FRK: variants seen among roughly 807,000 people sequenced by gnomAD.
FRK encodes the protein fyn related Src family tyrosine kinase, also known as tyrosine-protein kinase FRK.
FRK carries 51 observed loss-of-function variants against 56.4 expected under a neutral mutation model. The ratio of observed to expected loss-of-function variants is 0.90; its 90% CI spans 0.72 to 1.14. FRK has a LOEUF of 1.14. Ranked by LOEUF, FRK falls within the 50% of genes most tolerant of loss-of-function variation. The pLI is 0.00. For missense variants in FRK, 570 were observed against 601.4 expected (o/e 0.95, Z 0.55); for synonymous variants, 245 against 217.9 (o/e 1.12, Z -1.10).
chr6:115,963,078 A>C (rs1773445960), intron 4 of FRK, among the ~76,000 whole-genome samples: 1 of 58,046 alleles, frequency 1.7e-5, no homozygotes, highest in African/African-American at 5.4e-5. Flanking sequence ...GAGACACAAA[A>C]AAACCTTCAA....
intron 2 of FRK, among the ~76,000 whole-genome samples, chr6:115,971,253 G>C (rs1260017446): frequency 6.6e-6 from 1 of 151,864 alleles, no homozygotes; most frequent in Non-Finnish European, 1.5e-5. Context: ...TTTCACCCTG[G>C]GTATAAAAAT....
At chr6:116,054,458 TATATA>T (rs1263397533) in intron 1 of FRK, among the ~76,000 whole-genome samples, 5 of 144,436 alleles carry the variant, frequency 3.5e-5, no homozygotes, top group African/African-American at 7.6e-5. Flanking sequence ...TACTATATTA[TATATA>T]ATATAATATA....
chr6:116,052,730 C>T (rs1171716945), intron 1 of FRK, among the ~76,000 whole-genome samples: 1 of 151,998 alleles, frequency 6.6e-6, no homozygotes, highest in Non-Finnish European at 1.5e-5. Context: ...GAGAGAATAG[C>T]CCATCTGAAG....
chr6:116,012,870 C>A (rs1450486277), intron 1 of FRK, among the ~76,000 whole-genome samples: 1 of 152,174 alleles, frequency 6.6e-6, no homozygotes, highest in Non-Finnish European at 1.5e-5. Context: ...TGACCTCTCT[C>A]TTTTCCCCCA....
At chr6:116,008,816 C>T (rs1221692243) in intron 1 of FRK, among the ~76,000 whole-genome samples, 2 of 152,022 alleles carry the variant, frequency 1.3e-5, no homozygotes, top group East Asian at 3.9e-4. Flanking sequence ...ATCAAGATAT[C>T]CTAGGAGTAT....
At chr6:116,019,200 A>G (rs1466795052) in intron 1 of FRK, among the ~76,000 whole-genome samples, 1 of 152,188 alleles carries the variant, frequency 6.6e-6, no homozygotes, top group East Asian at 1.9e-4. Context: ...TGTAAGCTCA[A>G]GAGAGTGGAA....
In FRK at chr6:115,952,935, G is replaced by A. The variant is rs901289614; in HGVS notation, c.958+3517C>T. Among the ~76,000 whole-genome samples, 3 of 106,350 alleles carry A rather than the reference G, an allele frequency of 2.8e-5. No individual in the cohort carries two copies. The Admixed American group carries it at 3.4e-4, about 12-fold the overall frequency. 69.8% of individuals were successfully genotyped at this position (106,350 alleles called of 152,430 possible). Reference sequence around the variant, plus strand: ...TGGGGACTGTGGTGGGGTGGGGGGAGGGGGGAGGGATAGCATTGGGAGATA... The same window carrying A: ...TGGGGACTGTGGTGGGGTGGGGGGAAGGGGGAGGGATAGCATTGGGAGATA... On this transcript the variant is annotated intron_variant, in intron 5 of 7. Transcript: ENST00000606080.
chr6:115,998,576 C>T (rs934974296), intron 2 of FRK, among the ~76,000 whole-genome samples: 4 of 152,190 alleles, frequency 2.6e-5, no homozygotes, highest in Admixed American at 6.5e-5. Context: ...CACACTGCCA[C>T]CTTAAAACAC....
At chr6:116,039,202 G>T (rs1344595346) in intron 1 of FRK, 1 of 1,413,988 alleles carries the variant, frequency 7.1e-7, no homozygotes, top group Non-Finnish European at 1.0e-6. Context: ...AGAGGTCATC[G>T]CAGATAACGT....
chr6:116,009,415 T>C (rs978382418), intron 1 of FRK, among the ~76,000 whole-genome samples: 6 of 152,214 alleles, frequency 3.9e-5, no homozygotes, highest in African/African-American at 1.4e-4. Context: ...CTAATGTACA[T>C]TAAATTTGAG....
Position 115,941,933 on chromosome 6 carries a change from G to A in FRK, c.*481C>T, listed in dbSNP as rs1338508. On this transcript the variant is annotated 3_prime_UTR_variant, in exon 8 of 8. Coordinates refer to ENST00000606080, the MANE Select transcript of FRK (RefSeq NM_002031.3). ...TGTAGTTACAGGATATTTTAAAAGA[G>A]AAAAAAAAATCTCAAAGCACAGGTC... The A allele has an allele frequency of 0.04, 6,161 of 152,706 alleles. 332 individuals carry two copies. The highest frequency in any genetic ancestry group is 0.15 in the Admixed American group (2,268 of 15,272). The allele number at this position is 152,706 out of a possible 1,614,324, so 9.5% of individuals were successfully genotyped here.
At chr6:116,017,100 C>T (rs1263693636) in intron 1 of FRK, among the ~76,000 whole-genome samples, 1 of 152,138 alleles carries the variant, frequency 6.6e-6, no homozygotes, top group Non-Finnish European at 1.5e-5. Flanking sequence ...TGCACAAATA[C>T]ATTACAAGCT....
At chr6:115,997,586 C>G (rs191204696) in intron 2 of FRK, among the ~76,000 whole-genome samples, 1 of 152,140 alleles carries the variant, frequency 6.6e-6, no homozygotes, top group Admixed American at 6.5e-5. Context: ...CCACTATCCC[C>G]CAATCCCTCA....
At chr6:115,999,989 T>G (rs1380351240) in intron 2 of FRK, among the ~76,000 whole-genome samples, 1 of 152,132 alleles carries the variant, frequency 6.6e-6, no homozygotes, top group Admixed American at 6.5e-5. Context: ...GATATGCTGG[T>G]CTCTAAGCAA....
At chr6:115,958,757 A>AAG (rs1773187541) in intron 4 of FRK, among the ~76,000 whole-genome samples, 1 of 40,974 alleles carries the variant, frequency 2.4e-5, no homozygotes, top group Non-Finnish European at 5.4e-5. Flanking sequence ...GAAAGAAAGA[A>AAG]AGAAAGAAAG....
intron 1 of FRK, among the ~76,000 whole-genome samples, chr6:116,056,956 G>T (rs1777422426): frequency 6.6e-6 from 1 of 152,168 alleles, no homozygotes; most frequent in Non-Finnish European, 1.5e-5. Flanking sequence ...TTAAACAATA[G>T]TTTGTTTTTC....
chr6:115,942,634 T>C lies in FRK; in HGVS notation c.1307-9A>G. On this transcript the variant is annotated splice_polypyrimidine_tract_variant and intron_variant, in intron 7 of 7. Coordinates refer to ENST00000606080, the MANE Select transcript of FRK (RefSeq NM_002031.3). The stretch of plus-strand genomic sequence containing the variant: ...CTGGGCACCTGTCATACCTTGAAAA[T>C]ACAGAACGAAACCAACAACAACAAA... The C allele has an allele frequency of 1.2e-6, 2 of 1,608,624 alleles. No individual in the cohort carries two copies. The highest frequency in any genetic ancestry group is 1.7e-6 in the Non-Finnish European group (2 of 1,175,718).
chr6:116,048,908 A>ATTTTTTTT (rs1777085075), intron 1 of FRK, among the ~76,000 whole-genome samples: 1 of 152,052 alleles, frequency 6.6e-6, no homozygotes, highest in African/African-American at 2.4e-5. Context: ...GTATTCAAAA[A>ATTTTTTTT]TGTTATTTTC....
chr6:116,054,236 T>A (rs1777287956), intron 1 of FRK, among the ~76,000 whole-genome samples: 1 of 150,548 alleles, frequency 6.6e-6, no homozygotes, highest in Non-Finnish European at 1.5e-5. Flanking sequence ...TTTTACATCA[T>A]CATAAATAAC....
Sources: gnomAD v4.1 joint callset for allele counts (sites outside exome capture counted in the v4.1 genomes callset) on GRCh38, gnomAD v4.1.1 for gene constraint, MANE v1.5 for transcripts, NCBI Gene and HGNC (gene_info 2026-07-23, HGNC 2026-07-21) for gene names.